Variants in SYNRG observed in about 807,000 individuals in gnomAD.
SYNRG encodes the protein synergin gamma.
In SYNRG, 37 loss-of-function variants were observed where a neutral mutation model predicts 130.9. The ratio of observed to expected loss-of-function variants is 0.28; its 90% confidence interval spans 0.22 to 0.37. The LOEUF is 0.37. Ranked by LOEUF, SYNRG falls within the 10% of genes least tolerant of loss-of-function variation. The probability of loss-of-function intolerance (pLI) is 1.00; values close to 1 mark genes in which losing one functional copy is unlikely to be tolerated. For synonymous variants in SYNRG, 539 were observed against 568.1 expected (o/e 0.95, Z 0.73); for missense variants, 1,338 against 1,588.9 (o/e 0.84, Z 2.68).
At chr17:37,587,271 G>A (rs910445558) in intron 3 of SYNRG, among the ~76,000 whole-genome samples, 2 of 152,162 alleles carry the variant, frequency 1.3e-5, no homozygotes, top group Admixed American at 6.5e-5. Context: ...CTCAGCCCCA[G>A]AGTAGCTAGG....
intron 15 of SYNRG, chr17:37,540,960 G>A: frequency 1.0e-6 from 1 of 990,052 alleles, no homozygotes; most frequent in Non-Finnish European, 1.2e-6. Context: ...AGATGCTTAT[G>A]TCATGAGGCA....
intron 19 of SYNRG, among the ~76,000 whole-genome samples, chr17:37,529,072 A>G (rs1358329846): frequency 2.0e-5 from 3 of 152,202 alleles, no homozygotes; most frequent in Admixed American, 6.5e-5. Context: ...GTCTTGAAAA[A>G]CAAAAGTTAG....
intron 1 of SYNRG, 63 bp from the exon 2 acceptor site, chr17:37,600,466 T>G: frequency 3.2e-5 from 47 of 1,467,290 alleles, no homozygotes; most frequent in Non-Finnish European, 3.9e-5. Context: ...ATAACACGTG[T>G]ACTTTTTTAT....
chr17:37,548,644 C>T (rs566690709), intron 14 of SYNRG, among the ~76,000 whole-genome samples: 28 of 151,290 alleles, frequency 1.9e-4, no homozygotes, highest in African/African-American at 6.8e-4. Flanking sequence ...ATGGTGAAAA[C>T]CCACTTCTAC....
intron 6 of SYNRG, chr17:37,579,280 G>T (rs917398963): frequency 4.6e-6 from 6 of 1,303,346 alleles, no homozygotes; most frequent in Non-Finnish European, 5.1e-6. Context: ...CAAGTGGGGT[G>T]GAGGGGTGGA....
intron 11 of SYNRG, among the ~76,000 whole-genome samples, chr17:37,565,752 G>A (rs1473919414): frequency 6.6e-6 from 1 of 151,906 alleles, no homozygotes; most frequent in Non-Finnish European, 1.5e-5. Flanking sequence ...TCTGGGAGGT[G>A]AGGAGCGTCT....
intron 3 of SYNRG, among the ~76,000 whole-genome samples, chr17:37,591,734 CAA>C (rs2062211164): frequency 6.6e-6 from 1 of 152,120 alleles, no homozygotes; most frequent in Non-Finnish European, 1.5e-5. Flanking sequence ...GTTGCTGGGG[CAA>C]TCACACTTGC....
rs776514616 is a variant in SYNRG, at chr17:37,553,278, G to A, written c.2445C>T (p.Leu815=). ...CAACACTGCTGCCACCAATGGAAGG[G>A]AGATCTAAGGACTTCACTGATGCAG... ...EDSASVKSLD[L]PSIGGSSVGK... Residue 815 remains leucine, a synonymous_variant, in exon 14 of 22, where the codon CTC becomes CTT. Coordinates refer to ENST00000612223, the MANE Select transcript of SYNRG (RefSeq NM_007247.6). 6.2e-7 allele frequency: 1 copy of A among 1,613,746 alleles called. No individual in the cohort carries two copies. The highest frequency in any genetic ancestry group is 1.3e-5 in the African/African-American group (1 of 74,888).
At chr17:37,585,237 G>A in intron 5 of SYNRG, 88 bp downstream of exon 5, 1 of 1,022,682 alleles carries the variant, frequency 9.8e-7, no homozygotes, top group East Asian at 2.5e-5. Flanking sequence ...TTGGGCTGGT[G>A]CCCCAGTGAC....
chr17:37,529,949 A>G (rs946288980), intron 19 of SYNRG: 7 of 1,081,498 alleles, frequency 6.5e-6, no homozygotes, highest in Non-Finnish European at 9.5e-6. Flanking sequence ...CCAAACAAAG[A>G]ACCTTAAAAT....
At chr17:37,575,850 A>T (rs2060791207) in intron 8 of SYNRG, among the ~76,000 whole-genome samples, 1 of 151,732 alleles carries the variant, frequency 6.6e-6, no homozygotes, top group African/African-American at 2.4e-5. Flanking sequence ...CAAAAAAAAA[A>T]AAAAAAAAAA....
chr17:37,578,356 A>G (rs2061021846), intron 6 of SYNRG, among the ~76,000 whole-genome samples: 1 of 152,098 alleles, frequency 6.6e-6, no homozygotes, highest in Admixed American at 6.5e-5. Flanking sequence ...TAAACGTTGA[A>G]ATAATTCAAT....
intron 2 of SYNRG, among the ~76,000 whole-genome samples, chr17:37,596,676 T>TG (rs1213647940): frequency 6.6e-6 from 1 of 152,174 alleles, no homozygotes; most frequent in African/African-American, 2.4e-5. Context: ...TTCATACCCG[T>TG]GTGTTGTTCC....
chr17:37,605,705 G>C, intron 1 of SYNRG: 1 of 531,472 alleles, frequency 1.9e-6, no homozygotes, highest in Non-Finnish European at 2.4e-6. Flanking sequence ...TAATAAGACA[G>C]TAAAAGCTTG....
chr17:37,549,338 A>G (rs2058541727), intron 14 of SYNRG, among the ~76,000 whole-genome samples: 1 of 152,102 alleles, frequency 6.6e-6, no homozygotes, highest in South Asian at 2.1e-4. Flanking sequence ...TACTGTTACC[A>G]TACTCTAAAA....
chr17:37,553,485 A>G lies in SYNRG; in HGVS notation c.2238T>C (p.Asp746=). The G allele has an allele frequency of 3.1e-6, 5 of 1,614,206 alleles. No individual in the cohort carries two copies. Among genetic ancestry groups the G allele is most frequent in the Non-Finnish European group, 4.2e-6 (5 of 1,180,030 alleles). ...QNSTAASTKY[D]VFRQLSLEGS... is the part of the protein sequence containing the mutation. ...CTTCCAGAGAAAGTTGTCTGAAGAC[A>G]TCGTACTTGGTAGACGCAGCAGTCG... The change falls in exon 14 of 22, where the codon GAT becomes GAC. Residue 746 remains aspartate (D), a synonymous_variant. Coordinates refer to ENST00000612223, the MANE Select transcript of SYNRG (RefSeq NM_007247.6).
At chr17:37,598,924 G>C (rs1027038652) in intron 2 of SYNRG, among the ~76,000 whole-genome samples, 3 of 152,162 alleles carry the variant, frequency 2.0e-5, no homozygotes, top group Admixed American at 2.0e-4. Context: ...CTCAATCTGG[G>C]ACACATCTAA....
chr17:37,525,732 C>T (rs2055772883), intron 19 of SYNRG, among the ~76,000 whole-genome samples: 1 of 152,092 alleles, frequency 6.6e-6, no homozygotes, highest in South Asian at 2.1e-4. Flanking sequence ...CTTTGGGAGG[C>T]CAAGGCGGGC....
chr17:37,537,557 G>A (rs2057322152), intron 18 of SYNRG: 1 of 152,346 alleles, frequency 6.6e-6, no homozygotes, highest in African/African-American at 2.4e-5. Flanking sequence ...TTGCGCCTGG[G>A]AGGTGGACGC....
Sources: allele counts gnomAD v4.1 joint callset (sites outside exome capture counted in the v4.1 genomes callset), GRCh38; gene constraint gnomAD v4.1.1; transcripts MANE v1.5; gene names NCBI Gene and HGNC (gene_info 2026-07-23, HGNC 2026-07-21).